TAF6L: variants seen among roughly 807,000 people sequenced by gnomAD.
The protein encoded by TAF6L is TATA-box binding protein associated factor 6 like, also known as TAF6-like RNA polymerase II p300/CBP-associated factor-associated factor 65 kDa subunit 6L.
Under a neutral mutation model 57.3 loss-of-function variants are expected in TAF6L, and 34 were observed. The ratio of observed to expected loss-of-function variants is 0.59; its 90% CI spans 0.45 to 0.79. The LOEUF (loss-of-function observed/expected upper bound fraction) is 0.79, where lower values mean the gene tolerates loss of function less well. Among genes scored for constraint, TAF6L ranks in the 30% least tolerant of loss-of-function variants. TAF6L has a pLI of 0.00. For missense variants in TAF6L, 782 were observed against 853.2 expected (o/e 0.92, Z 1.04); for synonymous variants, 417 against 376.3 (o/e 1.11, Z -1.25).
At chr11:62,785,543 T>C (rs2084265673) in intron 9 of TAF6L, among the ~76,000 whole-genome samples, 2 of 150,684 alleles carry the variant, frequency 1.3e-5, no homozygotes, top group South Asian at 4.2e-4. Context: ...TAATTCTTTT[T>C]TTTTTTTTTG....
intron 1 of TAF6L, among the ~76,000 whole-genome samples, chr11:62,773,503 A>G (rs1405781240): frequency 6.8e-6 from 1 of 147,244 alleles, no homozygotes; most frequent in African/African-American, 2.5e-5. Context: ...AATGGAGTGC[A>G]CTGGTGCGAT....
At chr11:62,784,225 T>C (rs2084252907) in intron 9 of TAF6L, among the ~76,000 whole-genome samples, 1 of 150,530 alleles carries the variant, frequency 6.6e-6, no homozygotes, top group Non-Finnish European at 1.5e-5. Context: ...CTGGACCTCG[T>C]GTTCCGCCCG....
chr11:62,786,465 T>G (rs1031290876), intron 10 of TAF6L, 52 bp from the exon 11 acceptor site: 17 of 1,591,826 alleles, frequency 1.1e-5, no homozygotes, highest in African/African-American at 1.3e-5. Context: ...GAATATTTGA[T>G]GGGCCCAGGT....
At chr11:62,785,579 G>A (rs1439403467) in intron 9 of TAF6L, among the ~76,000 whole-genome samples, 2 of 150,062 alleles carry the variant, frequency 1.3e-5, no homozygotes, top group African/African-American at 4.9e-5. Context: ...TTGCTTCCCA[G>A]GGTGGAGTGC....
intron 5 of TAF6L, 56 bp downstream of exon 5, chr11:62,778,391 G>C: frequency 1.3e-6 from 2 of 1,591,994 alleles, no homozygotes; most frequent in Non-Finnish European, 1.7e-6. Context: ...CTTAGGTTCT[G>C]AGGGTGGTGC....
chr11:62,778,562 G>C (rs1353982429), intron 5 of TAF6L: 1 of 631,404 alleles, frequency 1.6e-6, no homozygotes, highest in Admixed American at 2.7e-5. Flanking sequence ...TAAGACAGAA[G>C]TCTGGGCAGC....
chr11:62,787,206 C>T lies in TAF6L; in HGVS notation c.1779C>T (p.Arg593=). Residue 593 remains arginine (R), a synonymous_variant, in exon 11 of 11, where the codon CGC becomes CGT. Coordinates refer to ENST00000294168, the MANE Select transcript of TAF6L (RefSeq NM_006473.4). ...CGTACGGGCCTAGCCCGGCCTCGCGCTACGTGCAGAAACTGCCCATGATCG... is the reference window on the plus strand; with the variant it reads ...CGTACGGGCCTAGCCCGGCCTCGCGTTACGTGCAGAAACTGCCCATGATCG... ...PAPYGPSPAS[R]YVQKLPMIGR... 1 of 1,588,960 alleles carries T rather than the reference C, an allele frequency of 6.3e-7. No homozygotes were observed. The highest frequency in any genetic ancestry group is 8.5e-7 in the Non-Finnish European group (1 of 1,176,162).
chr11:62,787,034 A>T lies in TAF6L; in HGVS notation c.1607A>T (p.Gln536Leu). The change falls in exon 11 of 11, where the codon CAG (glutamine) becomes CTG (leucine). Residue 536 changes from glutamine (Q) to leucine (L), a missense_variant. By Grantham distance (113) the Gln-to-Leu change is moderately radical. Transcript: ENST00000294168. ...RVHRARGAPR[Q>L]QGPGTGTRDV... The stretch of plus-strand genomic sequence containing the variant: ...CATCGGGCGCGCGGGGCACCCCGGC[A>T]GCAGGGCCCCGGGACCGGCACCCGC... 1 of 1,508,628 alleles carries T rather than the reference A, an allele frequency of 6.6e-7. No homozygotes were observed. Among genetic ancestry groups the T allele is most frequent in the African/African-American group, 1.4e-5 (1 of 69,272 alleles). 93.5% of individuals were successfully genotyped at this position (1,508,628 alleles called of 1,614,324 possible).
At chr11:62,785,590 G>A (rs529797340) in intron 9 of TAF6L, among the ~76,000 whole-genome samples, 7 of 147,168 alleles carry the variant, frequency 4.8e-5, no homozygotes, top group South Asian at 2.2e-4. Flanking sequence ...GGTGGAGTGC[G>A]GTGGTGTGAT....
At position 62,786,732 on chromosome 11, in the gene TAF6L, G is replaced by A. The variant is rs2084281454; in HGVS notation, c.1305G>A (p.Val435=). 1.2e-6 allele frequency: 2 copies of A among 1,613,038 alleles called. No individual in the cohort carries two copies. The highest frequency in any genetic ancestry group is 8.5e-7 in the Non-Finnish European group (1 of 1,179,848). The part of the protein sequence containing the change: ...GAGPEDPSLS[V]TLADIYRELY... ...GGCCGGAGGACCCTTCTCTTTCGGT[G>A]ACCCTGGCCGACATCTACCGGGAGC... Residue 435 remains valine (V), a synonymous_variant, in exon 11 of 11, where the codon GTG becomes GTA. Coordinates refer to ENST00000294168, the MANE Select transcript of TAF6L (RefSeq NM_006473.4).
At chr11:62,780,792 C>G (rs1200865422) in intron 6 of TAF6L, among the ~76,000 whole-genome samples, 1 of 149,696 alleles carries the variant, frequency 6.7e-6, no homozygotes, top group Non-Finnish European at 1.5e-5. Flanking sequence ...AGAAAATTAG[C>G]CGGGCTTGGT....
intron 1 of TAF6L, among the ~76,000 whole-genome samples, chr11:62,774,910 ATT>A (rs377494484): frequency 1.4e-5 from 2 of 142,282 alleles, no homozygotes; most frequent in Admixed American, 7.0e-5. Context: ...AAAAAAAAAA[ATT>A]TAGCCATCCG....
At chr11:62,784,680 G>A (rs977493156) in intron 9 of TAF6L, among the ~76,000 whole-genome samples, 8 of 152,216 alleles carry the variant, frequency 5.3e-5, no homozygotes, top group Admixed American at 5.2e-4. Context: ...GAAATGATCC[G>A]AAGGCTTTTC....
chr11:62,783,278 C>T (rs1478959090), intron 9 of TAF6L, among the ~76,000 whole-genome samples: 8 of 152,084 alleles, frequency 5.3e-5, no homozygotes, highest in Non-Finnish European at 1.0e-4. Context: ...GTCAGGAGAT[C>T]GAAACCATCC....
In TAF6L at chr11:62,778,009, T is replaced by A; in HGVS notation, c.266T>A (p.Leu89Gln). The change falls in exon 4 of 11, where the codon CTG becomes CAG. Residue 89 changes from leucine (L) to glutamine (Q), a missense_variant. Leu to Gln is a moderately radical substitution (Grantham distance 113, BLOSUM62 -2). Around this residue, in one of 3 missense-constraint regions of TAF6L, gnomAD observed 220 missense variants for 252.1 expected, o/e 0.87. Coordinates refer to ENST00000294168, the MANE Select transcript of TAF6L (RefSeq NM_006473.4). ...TGTGGTTACGGATCACAGGAGGCAC[T>A]GCCCATGCGCCCCGCCAGGGAGGGT... ...AVCGYGSQEA[L>Q]PMRPAREGEL... The A allele has an allele frequency of 6.2e-7, 1 of 1,614,184 alleles. No homozygotes were observed. The highest frequency in any genetic ancestry group is 1.1e-5 in the South Asian group (1 of 91,090).
At chr11:62,785,490 C>CCAATCACAGGATTTTAAA (rs1459733338) in intron 9 of TAF6L, among the ~76,000 whole-genome samples, 1 of 151,420 alleles carries the variant, frequency 6.6e-6, no homozygotes, top group Non-Finnish European at 1.5e-5. Context: ...CAGCGCCCGG[C>CCAATCACAGGATTTTAAA]TGGTATTTTC....
At chr11:62,780,209 T>C (rs990319274) in intron 6 of TAF6L, among the ~76,000 whole-genome samples, 13 of 151,524 alleles carry the variant, frequency 8.6e-5, no homozygotes, top group African/African-American at 3.2e-4. Flanking sequence ...TCCCAGCTAC[T>C]CGGGAGGCTG....
In TAF6L at chr11:62,775,921, G is replaced by C. The variant is rs772861588; in HGVS notation, c.138G>C (p.Glu46Asp). ...LAEDVCYRLR[E>D]ATQNSSQFMK... ...AGGACGTGTGCTATCGTCTGAGAGA[G>C]GCCACGCAGGTACACTCCCCTCACC... The change falls in exon 2 of 11, where the codon GAG becomes GAC. Residue 46 changes from glutamate (E) to aspartate (D), a missense_variant. Coordinates refer to ENST00000294168, the MANE Select transcript of TAF6L (RefSeq NM_006473.4). The C allele has an allele frequency of 6.2e-7, 1 of 1,609,382 alleles. No individual in the cohort carries two copies. Among genetic ancestry groups the C allele is most frequent in the Non-Finnish European group, 8.5e-7 (1 of 1,177,594 alleles).
At chr11:62,784,397 C>T (rs902334818) in intron 9 of TAF6L, among the ~76,000 whole-genome samples, 3 of 151,674 alleles carry the variant, frequency 2.0e-5, no homozygotes, top group Non-Finnish European at 4.4e-5. Flanking sequence ...CTCCGCCTCC[C>T]GGGTTCACGC....
Sources: gnomAD v4.1 joint callset for allele counts (sites outside exome capture counted in the v4.1 genomes callset) on GRCh38, gnomAD v4.1.1 for gene constraint, gnomAD v4.1.1 regional missense constraint, MANE v1.5 for transcripts, NCBI Gene and HGNC (gene_info 2026-07-23, HGNC 2026-07-21) for gene names.